Variants in RBM28 observed in about 807,000 individuals in gnomAD.
The protein encoded by RBM28 is RNA-binding protein 28.
A neutral mutation model predicts 98.3 loss-of-function variants in RBM28; 78 were observed. The ratio of observed to expected loss-of-function variants is 0.79; its 90% CI spans 0.66 to 0.96. The LOEUF (loss-of-function observed/expected upper bound fraction) is 0.96. Among genes scored for constraint, RBM28 ranks in the 40% least tolerant of loss-of-function variants. The probability of loss-of-function intolerance (pLI) is 0.00; values close to 1 mark genes in which losing one functional copy is unlikely to be tolerated. For synonymous variants in RBM28, 306 were observed against 330.9 expected (o/e 0.92, Z 0.82); for missense variants, 838 against 913.0 (o/e 0.92, Z 1.06).
At position 128,317,961 on chromosome 7, in the gene RBM28, A is replaced by C; in HGVS notation, c.1709T>G (p.Leu570Arg). Reference protein sequence around the residue: ...INNNPEIFGPLKRPIVEFSLE... With the variant: ...INNNPEIFGPRKRPIVEFSLE... ...TCCCCAGAGGACAAGGCCTACCTTCAGAGGCCCAAAGATTTCTGGATTGTT... is the reference window on the plus strand; with the variant it reads ...TCCCCAGAGGACAAGGCCTACCTTCCGAGGCCCAAAGATTTCTGGATTGTT... The change falls in exon 15 of 19, where the codon CTG becomes CGG. Residue 570 changes from leucine (L) to arginine (R), a missense_variant. Leu to Arg is a moderately radical substitution (Grantham distance 102). Coordinates refer to ENST00000223073, the MANE Select transcript of RBM28 (RefSeq NM_018077.3). 1.9e-6 allele frequency: 3 copies of C among 1,614,186 alleles called. No homozygotes were observed. The highest frequency in any genetic ancestry group is 2.5e-6 in the Non-Finnish European group (3 of 1,180,034).
At chr7:128,325,581 AT>A (rs35086262) in intron 11 of RBM28, among the ~76,000 whole-genome samples, 3,271 of 152,310 alleles carry the variant, frequency 0.021, 59 homozygotes, top group South Asian at 0.054. Context: ...ATACGTTATT[AT>A]CCCCTTTTCC....
At chr7:128,324,975 A>G (rs771316197) in intron 11 of RBM28, among the ~76,000 whole-genome samples, 1 of 152,102 alleles carries the variant, frequency 6.6e-6, no homozygotes, top group Non-Finnish European at 1.5e-5. Flanking sequence ...GCGCAACTAC[A>G]CTCCAGCCTG....
chr7:128,332,080 A>G (rs972376810), intron 9 of RBM28, among the ~76,000 whole-genome samples: 2 of 152,162 alleles, frequency 1.3e-5, no homozygotes, highest in Non-Finnish European at 2.9e-5. Context: ...TCACTGTGAC[A>G]TTTCTTCCTT....
In RBM28 at chr7:128,324,557, A is replaced by G; in HGVS notation, c.1339+2T>C. 6.2e-7 allele frequency: 1 copy of G among 1,614,192 alleles called. No individual in the cohort carries two copies. Among genetic ancestry groups the G allele is most frequent in the Non-Finnish European group, 8.5e-7 (1 of 1,180,032 alleles). On this transcript the variant is annotated splice_donor_variant, in intron 12 of 18. Transcript: ENST00000223073. LOFTEE classifies it high-confidence loss of function. ...AAGTGTGGGTTACATCTCCCTACTC[A>G]CAGCCTTCTCGGGCCAGATAGAGAT...
At chr7:128,343,571 C>T (rs1387609021) in intron 1 of RBM28, 105 bp downstream of exon 1, 1 of 765,082 alleles carries the variant, frequency 1.3e-6, no homozygotes, top group African/African-American at 1.8e-5. Flanking sequence ...GTTCCCTGTC[C>T]CTTCTCTTCG....
At chr7:128,327,046 A>C (rs1440805798) in intron 10 of RBM28, among the ~76,000 whole-genome samples, 1 of 151,930 alleles carries the variant, frequency 6.6e-6, no homozygotes, top group Non-Finnish European at 1.5e-5. Flanking sequence ...CTGAGGTGGG[A>C]GGATGACCTG....
intron 1 of RBM28, among the ~76,000 whole-genome samples, chr7:128,342,668 A>C (rs1036561930): frequency 6.6e-5 from 10 of 152,152 alleles, no homozygotes; most frequent in African/African-American, 2.4e-4. Context: ...GCGACAGAGC[A>C]AGACGCAGTC....
intron 18 of RBM28, among the ~76,000 whole-genome samples, chr7:128,311,553 C>A (rs545854485): frequency 6.6e-6 from 1 of 152,130 alleles, no homozygotes; most frequent in Admixed American, 6.5e-5. Context: ...ACATCCTGCA[C>A]TAGAAAGCAA....
At chr7:128,338,533 C>A (rs1186445914) in intron 4 of RBM28, among the ~76,000 whole-genome samples, 191 bp from the exon 5 acceptor site, 4 of 152,350 alleles carry the variant, frequency 2.6e-5, no homozygotes, top group African/African-American at 7.2e-5. Flanking sequence ...GAGCAAAACA[C>A]TTTCTCAAAC....
chr7:128,321,201 G>A (rs1796224834), intron 14 of RBM28, 65 bp downstream of exon 14: 6 of 1,599,312 alleles, frequency 3.8e-6, no homozygotes, highest in East Asian at 2.2e-5. Flanking sequence ...CACAGCCTGA[G>A]GGAAATGCTT....
At position 128,299,378 on chromosome 7, in the gene RBM28, CAG is replaced by C. The variant is rs1458871246; in HGVS notation, c.*11417_*11418del. 2.0e-5 allele frequency: 3 copies of C among 152,160 alleles called. No homozygotes were observed. Among genetic ancestry groups the C allele is most frequent in the Non-Finnish European group, 4.4e-5 (3 of 68,072 alleles). 9.4% of individuals were successfully genotyped at this position (152,160 alleles called of 1,614,324 possible). A position where few individuals can be genotyped will look rare whatever the true frequency, so the allele number is the denominator to read the frequency against. On this transcript the variant is annotated 3_prime_UTR_variant, in exon 19 of 19. Transcript: ENST00000223073. The stretch of plus-strand genomic sequence containing the variant: ...CAGGGGGAATATTGGCTTGCTGTGT[CAG>C]AGTTTGATAAAGGAGGTGACTGGGG...
At chr7:128,311,925 A>G (rs1285631813) in intron 18 of RBM28, among the ~76,000 whole-genome samples, 5 of 152,232 alleles carry the variant, frequency 3.3e-5, no homozygotes, top group Non-Finnish European at 7.3e-5. Context: ...GAAATAATGG[A>G]TCTGGTAACA....
At chr7:128,326,637 C>A (rs929387272) in intron 10 of RBM28, among the ~76,000 whole-genome samples, 2 of 152,164 alleles carry the variant, frequency 1.3e-5, no homozygotes, top group African/African-American at 4.8e-5. Flanking sequence ...ATGACATTCA[C>A]ACAATGACAA....
At chr7:128,324,410 T>A (rs1214321231) in intron 12 of RBM28, 149 bp downstream of exon 12, 1 of 1,170,954 alleles carries the variant, frequency 8.5e-7, no homozygotes, top group Non-Finnish European at 1.3e-6. Flanking sequence ...GAGAGCCACA[T>A]TTATTAAAGT....
intron 5 of RBM28, 69 bp downstream of exon 5, chr7:128,338,181 G>A: frequency 9.0e-7 from 1 of 1,113,698 alleles, no homozygotes; most frequent in South Asian, 1.2e-5. Context: ...TGCAGAAAGT[G>A]GGTTACTACA....
rs532952742 is a variant in RBM28, at chr7:128,300,967, A to T, written c.*9830T>A. On this transcript the variant is annotated 3_prime_UTR_variant, in exon 19 of 19. Coordinates refer to ENST00000223073, the MANE Select transcript of RBM28 (RefSeq NM_018077.3). ...AGTTGTGAGGAAAGAAGGGGCACTG[A>T]GGAGGATGGGTCACCCCGGGAGCAG... 5 of 152,746 alleles carry T rather than the reference A, an allele frequency of 3.3e-5. No homozygotes were observed. Among genetic ancestry groups the T allele is most frequent in the Admixed American group, 2.6e-4 (4 of 15,320 alleles). The allele number at this position is 152,746 out of a possible 1,614,324, so 9.5% of individuals were successfully genotyped here.
chr7:128,310,472 T>G lies in RBM28; in HGVS notation c.*325A>C, dbSNP rs918471165. On this transcript the variant is annotated 3_prime_UTR_variant, in exon 19 of 19. Transcript: ENST00000223073. Reference sequence around the variant, plus strand: ...AATATACATCTTAAAAATTCAGCACTCCAGAATGCTTTTTCAGGTGTTTCC... The same window carrying G: ...AATATACATCTTAAAAATTCAGCACGCCAGAATGCTTTTTCAGGTGTTTCC... The G allele has an allele frequency of 1.1e-5, 4 of 359,668 alleles. No individual in the cohort carries two copies. The highest frequency in any genetic ancestry group is 8.6e-5 in the Admixed American group (2 of 23,364). The allele number at this position is 359,668 out of a possible 1,614,324, so 22.3% of individuals were successfully genotyped here. A position where few individuals can be genotyped will look rare whatever the true frequency, so the allele number is the denominator to read the frequency against.
At chr7:128,327,911 T>G (rs1042827499) in intron 10 of RBM28, among the ~76,000 whole-genome samples, 1 of 152,234 alleles carries the variant, frequency 6.6e-6, no homozygotes, top group Non-Finnish European at 1.5e-5. Flanking sequence ...TTTTAAATAT[T>G]CTCTCAGATG....
In RBM28 at chr7:128,339,307, G is replaced by A; in HGVS notation, c.292C>T (p.Pro98Ser). ...EKGKNENSEC[P>S]KKEPKAKKAK... Reference sequence around the variant, plus strand: ...TTTTTAGCCTTCGGCTCCTTCTTTGGGCACTCTGAGTTTTCTAAAAAATAA... The same window carrying A: ...TTTTTAGCCTTCGGCTCCTTCTTTGAGCACTCTGAGTTTTCTAAAAAATAA... The change falls in exon 3 of 19, where the codon CCA (proline) becomes TCA (serine). Residue 98 changes from proline to serine, a missense_variant. By Grantham distance (74) the Pro-to-Ser change is moderately conservative. Transcript: ENST00000223073. 1.2e-6 allele frequency: 2 copies of A among 1,611,430 alleles called. No homozygotes were observed. The highest frequency in any genetic ancestry group is 1.3e-5 in the African/African-American group (1 of 74,804).
Sources: allele counts gnomAD v4.1 joint callset (sites outside exome capture counted in the v4.1 genomes callset), GRCh38; gene constraint gnomAD v4.1.1; transcripts MANE v1.5; gene names NCBI Gene and HGNC (gene_info 2026-07-23, HGNC 2026-07-21).